Variants in LYSMD4 observed in about 807,000 individuals in gnomAD.
LYSMD4 encodes LysM domain containing 4.
A neutral mutation model predicts 6.1 loss-of-function variants in LYSMD4; 9 were observed. The observed-to-expected ratio is 1.47, with a 90% CI of 0.88 to 2.56. The LOEUF (loss-of-function observed/expected upper bound fraction) is 2.56, where lower values mean the gene tolerates loss of function less well. Ranked by LOEUF, LYSMD4 falls within the 30% of genes most tolerant of loss-of-function variation. The probability of loss-of-function intolerance (pLI) is 0.00; values close to 1 mark genes in which losing one functional copy is unlikely to be tolerated. For missense variants in LYSMD4, 384 were observed against 373.5 expected, an observed-to-expected ratio of 1.03 and a Z score of -0.23; for synonymous variants, 143 against 148.5, an observed-to-expected ratio of 0.96 and a Z score of 0.27.
Position 99,729,841 on chromosome 15 carries a change from G to A in LYSMD4, c.283-110C>T, listed in dbSNP as rs555517326. 2.3e-5 allele frequency: 31 copies of A among 1,319,892 alleles called. No homozygotes were observed. The South Asian group carries it at 4.6e-4, about 20-fold the overall frequency. 81.8% of individuals were successfully genotyped at this position (1,319,892 alleles called of 1,614,324 possible). A position where few individuals can be genotyped will look rare whatever the true frequency, so the allele number is the denominator to read the frequency against. On this transcript the variant is annotated intron_variant, in intron 2 of 2. Transcript: ENST00000684762. ...GGTGATGATTCAAGCCCACTTCACT[G>A]ACGAATCTGATGAAGACTGGAAAAC...
Position 99,729,522 on chromosome 15 carries a change from G to A in LYSMD4, c.492C>T (p.Gly164=). The change falls in exon 3 of 3, where the codon GGC becomes GGT. Residue 164 remains glycine (G), a synonymous_variant. Transcript: ENST00000684762. ...RAGAGTGAQA[G]QLMGFFKGID... ...TCCCCTTAAAGAAGCCCATCAGTTG[G>A]CCGGCCTGGGCACCGGTGCCCGCGC... The A allele has an allele frequency of 6.2e-7, 1 of 1,614,098 alleles. No homozygotes were observed. Among genetic ancestry groups the A allele is most frequent in the Non-Finnish European group, 8.5e-7 (1 of 1,180,036 alleles).
chr15:99,722,572 G>A (rs1404433121), downstream of LYSMD4, among the ~76,000 whole-genome samples: 1 of 152,202 alleles, frequency 6.6e-6, no homozygotes, highest in East Asian at 1.9e-4. Flanking sequence ...TGGAGGGAGA[G>A]ATCAACAAAT....
chr15:99,731,138 A>C, intron 2 of LYSMD4: 2 of 1,599,704 alleles, frequency 1.3e-6, no homozygotes, highest in Non-Finnish European at 1.7e-6. Context: ...ATCTAGGAGA[A>C]AATGCAGCAA....
intron 2 of LYSMD4, among the ~76,000 whole-genome samples, chr15:99,730,826 G>A (rs1019704541): frequency 2.0e-5 from 3 of 152,130 alleles, no homozygotes; most frequent in Non-Finnish European, 4.4e-5. Context: ...TCCGGTCTTT[G>A]TAGGACAGGC....
upstream of LYSMD4, among the ~76,000 whole-genome samples, chr15:99,722,250 G>A (rs958759584): frequency 6.6e-6 from 1 of 152,044 alleles, no homozygotes; most frequent in Admixed American, 6.6e-5. Context: ...CACAGCATTC[G>A]GAGAATCTTA....
At chr15:99,723,309 C>G (rs965307373), downstream of LYSMD4, among the ~76,000 whole-genome samples, 2 of 152,158 alleles carry the variant, frequency 1.3e-5, no homozygotes, top group African/African-American at 2.4e-5. Context: ...AAAGCCACAC[C>G]GAGGCCCCTC....
At chr15:99,718,154 AT>A (rs1402967503), upstream of LYSMD4, among the ~76,000 whole-genome samples, 1 of 152,198 alleles carries the variant, frequency 6.6e-6, no homozygotes, top group Admixed American at 6.5e-5. Flanking sequence ...AGCTTTTCTT[AT>A]ATAACCTTTG....
rs2059331860 is a variant in LYSMD4, at chr15:99,728,851, A to T, written c.*272T>A. 2.0e-6 allele frequency: 1 copy of T among 488,490 alleles called. No homozygotes were observed. Among genetic ancestry groups the T allele is most frequent in the Non-Finnish European group, 3.7e-6 (1 of 267,606 alleles). The allele number at this position is 488,490 out of a possible 1,614,324, so 30.3% of individuals were successfully genotyped here. ...GGGGGTCCTCACAGTGCTGCTATGA[A>T]CTGGCCAGTCCACTAAATGTCACAG... On this transcript the variant is annotated 3_prime_UTR_variant, in exon 3 of 3. Transcript: ENST00000684762.
chr15:99,724,240 T>C (rs1286757377), downstream of LYSMD4, among the ~76,000 whole-genome samples: 1 of 144,640 alleles, frequency 6.9e-6, no homozygotes, highest in Non-Finnish European at 1.5e-5. Flanking sequence ...ATCTCTACTC[T>C]GGCATAGGTC....
upstream of LYSMD4, among the ~76,000 whole-genome samples, chr15:99,721,389 GT>G: frequency 6.6e-6 from 1 of 152,168 alleles, no homozygotes; most frequent in Admixed American, 6.5e-5. Flanking sequence ...TGGATGACTG[GT>G]ACATGGGCTA....
rs761033871 is a variant in LYSMD4, at chr15:99,731,756, C to T, written c.244G>A (p.Asp82Asn). 2 of 1,607,386 alleles carry T rather than the reference C, an allele frequency of 1.2e-6. No individual in the cohort carries two copies. The highest frequency in any genetic ancestry group is 1.7e-6 in the Non-Finnish European group (2 of 1,177,210). ...TGCAGCGCCAGCTTGTTGAGGCTGT[C>T]CTCCTGGGCCAGCTCCCGCTGCAGC... is the stretch of plus-strand genomic sequence containing the variant. ...VLLQRELAQE[D>N]SLNKLALQYG... Residue 82 changes from aspartate to asparagine, a missense_variant, in exon 2 of 3, where the codon GAC becomes AAC. Asp to Asn is a conservative substitution (Grantham distance 23, BLOSUM62 1). Coordinates refer to ENST00000684762, the MANE Select transcript of LYSMD4 (RefSeq NM_001284417.2).
chr15:99,716,822 C>A, exon 1 of LYSMD4: 1 of 383,154 alleles, frequency 2.6e-6, no homozygotes, highest in Non-Finnish European at 5.3e-6. Context: ...CTGCTTCTCA[C>A]AGGAAATACG....
At chr15:99,732,991 C>T in intron 1 of LYSMD4, 2 of 122,926 alleles carry the variant, frequency 1.6e-5, no homozygotes, top group East Asian at 1.2e-4. Flanking sequence ...TCAGGGGCGG[C>T]GGCAGCAGCT....
intron 1 of LYSMD4, among the ~76,000 whole-genome samples, chr15:99,732,464 G>T (rs1318357763): frequency 6.6e-6 from 1 of 152,196 alleles, no homozygotes; most frequent in African/African-American, 2.4e-5. Context: ...GAAGGTCAGC[G>T]CTAAGGACTC....
At chr15:99,731,098 G>C in intron 2 of LYSMD4, 2 of 1,398,972 alleles carry the variant, frequency 1.4e-6, no homozygotes, top group South Asian at 1.2e-5. Context: ...CAAATCTGTA[G>C]CACAGTGTTA....
downstream of LYSMD4, among the ~76,000 whole-genome samples, chr15:99,726,895 T>C (rs79602069): frequency 0.04 from 6,119 of 152,226 alleles, 149 homozygotes; most frequent in Non-Finnish European, 0.054. Flanking sequence ...CAATCAGTGA[T>C]CAATCATCCC....
At position 99,728,898 on chromosome 15, in the gene LYSMD4, C is replaced by A. The variant is rs1193264903; in HGVS notation, c.*225G>T. ...ACAGGGAAATGGCTCTCTTGCTGCACCTCTCTGGATAGGGGCCGAGGTCGC... is the reference window on the plus strand; with the variant it reads ...ACAGGGAAATGGCTCTCTTGCTGCAACTCTCTGGATAGGGGCCGAGGTCGC... On this transcript the variant is annotated 3_prime_UTR_variant, in exon 3 of 3. Transcript: ENST00000684762. 3.4e-6 allele frequency: 2 copies of A among 595,118 alleles called. No homozygotes were observed. The highest frequency in any genetic ancestry group is 4.6e-4 in the Middle Eastern group (1 of 2,188). The allele number at this position is 595,118 out of a possible 1,614,324, so 36.9% of individuals were successfully genotyped here.
At chr15:99,718,943 C>T (rs576462131), upstream of LYSMD4, among the ~76,000 whole-genome samples, 20 of 150,354 alleles carry the variant, frequency 1.3e-4, no homozygotes, top group South Asian at 4.0e-3. Flanking sequence ...ACACACACAT[C>T]CATCCATATT....
At chr15:99,731,033 A>T in intron 2 of LYSMD4, 1 of 745,528 alleles carries the variant, frequency 1.3e-6, no homozygotes, top group Non-Finnish European at 2.2e-6. Flanking sequence ...AGACACTTGT[A>T]GGAGAAAGAG....
Sources: allele counts gnomAD v4.1 joint callset (sites outside exome capture counted in the v4.1 genomes callset), GRCh38; gene constraint gnomAD v4.1.1; transcripts MANE v1.5; gene names NCBI Gene and HGNC (gene_info 2026-07-23, HGNC 2026-07-21).